ADAM18: variants seen among roughly 807,000 people sequenced by gnomAD.
The protein encoded by ADAM18 is ADAM metallopeptidase domain 18, also known as disintegrin and metalloproteinase domain-containing protein 18.
Under a neutral mutation model 94.4 loss-of-function variants are expected in ADAM18, and 117 were observed. The ratio of observed to expected loss-of-function variants is 1.24; its 90% CI spans 1.07 to 1.45. ADAM18 has a LOEUF of 1.45. Among genes scored for constraint, ADAM18 ranks in the 40% most tolerant of loss-of-function variants. The probability of loss-of-function intolerance (pLI) is 0.00; values close to 1 mark genes in which losing one functional copy is unlikely to be tolerated. For missense variants in ADAM18, 936 were observed against 880.0 expected (o/e 1.06, Z -0.81); for synonymous variants, 327 against 291.6 (o/e 1.12, Z -1.24).
chr8:39,609,088 G>T lies in ADAM18; in HGVS notation c.235G>T (p.Gly79Ter), dbSNP rs1297760785. 6.3e-7 allele frequency: 1 copy of T among 1,590,646 alleles called. No individual in the cohort carries two copies. Among genetic ancestry groups the T allele is most frequent in the Non-Finnish European group, 8.6e-7 (1 of 1,169,114 alleles). ...NFLVYTYNET[G>*]SLHSVSPYFM... Reference sequence around the variant, plus strand: ...TTTGGTTTATACATATAATGAAACTGGATCTTTGCATTCTGTGTCTCCATA... The same window carrying T: ...TTTGGTTTATACATATAATGAAACTTGATCTTTGCATTCTGTGTCTCCATA... Residue 79 changes from glycine to a stop codon, truncating the protein, a stop_gained, in exon 4 of 20, where the codon GGA becomes TGA. Transcript: ENST00000265707. LOFTEE classifies it high-confidence loss of function.
intron 2 of ADAM18, 28 bp from the exon 3 acceptor site, chr8:39,606,279 C>T (rs1819080939): frequency 7.5e-7 from 1 of 1,339,300 alleles, no homozygotes. Context: ...GTTTCCTTCA[C>T]AATCTTTACT....
intron 17 of ADAM18, among the ~76,000 whole-genome samples, chr8:39,704,711 G>A (rs1031101477): frequency 9.9e-5 from 15 of 152,034 alleles, no homozygotes; most frequent in Admixed American, 7.2e-4. Context: ...TGCAGTTAAG[G>A]AGTGACCATT....
intron 16 of ADAM18, among the ~76,000 whole-genome samples, chr8:39,686,952 G>C (rs1821622694): frequency 6.6e-6 from 1 of 152,154 alleles, no homozygotes; most frequent in Admixed American, 6.5e-5. Context: ...AGCTAAGAGT[G>C]CCTTCATCAC....
chr8:39,682,269 G>A (rs1380003596), intron 16 of ADAM18, among the ~76,000 whole-genome samples: 3 of 152,200 alleles, frequency 2.0e-5, no homozygotes, highest in Admixed American at 6.5e-5. Context: ...GGTAGAAAAC[G>A]GTTCATTTCA....
chr8:39,668,336 G>T (rs1821053355), intron 14 of ADAM18, 140 bp downstream of exon 14: 3 of 772,110 alleles, frequency 3.9e-6, no homozygotes, highest in Admixed American at 6.2e-5. Context: ...AAGAAGAGTA[G>T]TTTTTTAAGA....
intron 19 of ADAM18, among the ~76,000 whole-genome samples, chr8:39,726,056 A>T (rs1586020477): frequency 6.6e-6 from 1 of 152,068 alleles, no homozygotes; most frequent in Non-Finnish European, 1.5e-5. Flanking sequence ...TTAACCTAAG[A>T]TGTAAAGTAA....
intron 2 of ADAM18, among the ~76,000 whole-genome samples, chr8:39,592,581 C>T (rs1168625044): frequency 2.6e-5 from 4 of 151,992 alleles, no homozygotes; most frequent in Non-Finnish European, 4.4e-5. Flanking sequence ...TGTGGAATAA[C>T]CCAGAAGTAA....
At chr8:39,615,720 C>G (rs770169011) in intron 6 of ADAM18, among the ~76,000 whole-genome samples, 1 of 152,054 alleles carries the variant, frequency 6.6e-6, no homozygotes, top group Non-Finnish European at 1.5e-5. Flanking sequence ...AGAGCAATCA[C>G]GTAAGAGAAA....
chr8:39,664,013 G>A, intron 13 of ADAM18, 123 bp downstream of exon 13: 2 of 659,518 alleles, frequency 3.0e-6, no homozygotes, highest in East Asian at 3.0e-5. Context: ...AATGTAGAGT[G>A]CATGAACAAA....
intron 6 of ADAM18, among the ~76,000 whole-genome samples, chr8:39,626,471 C>G (rs915542321): frequency 6.6e-6 from 1 of 151,666 alleles, no homozygotes; most frequent in African/African-American, 2.4e-5. Flanking sequence ...TCTTATTTCT[C>G]TAGTTCGTTG....
At chr8:39,613,647 C>T (rs538092030) in intron 6 of ADAM18, among the ~76,000 whole-genome samples, 9 of 152,158 alleles carry the variant, frequency 5.9e-5, no homozygotes, top group Non-Finnish European at 1.2e-4. Context: ...AAATTACATA[C>T]TTAGAATTCA....
At chr8:39,716,009 T>C (rs1314421117) in intron 18 of ADAM18, among the ~76,000 whole-genome samples, 1 of 152,004 alleles carries the variant, frequency 6.6e-6, no homozygotes, top group Non-Finnish European at 1.5e-5. Context: ...TACAGACCAA[T>C]GTCTCTCATC....
chr8:39,700,200 A>G (rs905361735), intron 17 of ADAM18, among the ~76,000 whole-genome samples: 8 of 152,212 alleles, frequency 5.3e-5, no homozygotes, highest in African/African-American at 1.9e-4. Context: ...AAATCACATA[A>G]TGACTAGAAA....
intron 18 of ADAM18, among the ~76,000 whole-genome samples, chr8:39,715,087 G>A (rs1399596495): frequency 6.6e-6 from 1 of 151,982 alleles, no homozygotes; most frequent in African/African-American, 2.4e-5. Flanking sequence ...GTCTTACAAT[G>A]TACCTTAACA....
Position 39,692,655 on chromosome 8 carries a change from C to T in ADAM18, c.1877C>T (p.Ala626Val), listed in dbSNP as rs1821815052. The T allele has an allele frequency of 6.2e-7, 1 of 1,604,134 alleles. No individual in the cohort carries two copies. The highest frequency in any genetic ancestry group is 1.7e-5 in the Admixed American group (1 of 59,066). Reference protein sequence around the residue: ...KVHLMGYNCNATTKCKGKGIC... With the variant: ...KVHLMGYNCNVTTKCKGKGIC... ...CATTTAATGGGATATAACTGTAATGCCACCACAAAATGCAAAGGGAAAGGG... is the reference window on the plus strand; with the variant it reads ...CATTTAATGGGATATAACTGTAATGTCACCACAAAATGCAAAGGGAAAGGG... Residue 626 changes from alanine to valine, a missense_variant, in exon 17 of 20, where the codon GCC becomes GTC. Coordinates refer to ENST00000265707, the MANE Select transcript of ADAM18 (RefSeq NM_014237.3).
intron 12 of ADAM18, among the ~76,000 whole-genome samples, chr8:39,654,744 G>A (rs940024154): frequency 3.3e-5 from 5 of 152,092 alleles, no homozygotes; most frequent in African/African-American, 4.8e-5. Context: ...ATTCTAACTA[G>A]GATGAGATGA....
intron 14 of ADAM18, among the ~76,000 whole-genome samples, chr8:39,674,546 G>C: frequency 6.6e-6 from 1 of 152,230 alleles, no homozygotes; most frequent in Middle Eastern, 3.4e-3. Flanking sequence ...CCTGAATACA[G>C]CATGCTGATG....
chr8:39,617,229 A>G lies in ADAM18; in HGVS notation c.522+6523A>G, dbSNP rs148774799. ...AAGAGAAAACATACATGCAGCCAAC[A>G]AGCATATGAAAAAATGCTCATCATC... On this transcript the variant is annotated intron_variant, in intron 6 of 19. Transcript: ENST00000265707. Among the ~76,000 whole-genome samples the G allele has an allele frequency of 8.0e-3, 1,223 of 152,348 alleles. 10 individuals are homozygous for G. The highest frequency in any genetic ancestry group is 0.037 in the Middle Eastern group (11 of 294).
At chr8:39,620,357 C>CAAAAAAAAAAAAAAAAAAA (rs61555393) in intron 6 of ADAM18, among the ~76,000 whole-genome samples, 14 of 90,558 alleles carry the variant, frequency 1.5e-4, no homozygotes, top group Non-Finnish European at 2.5e-4. Flanking sequence ...GCAACAAAAG[C>CAAAAAAAAAAAAAAAAAAA]AAAAAAAAAA....
Sources: gnomAD v4.1 joint callset for allele counts (sites outside exome capture counted in the v4.1 genomes callset) on GRCh38, gnomAD v4.1.1 for gene constraint, MANE v1.5 for transcripts, NCBI Gene and HGNC (gene_info 2026-07-23, HGNC 2026-07-21) for gene names.